The following ELOVL7 variants were observed in gnomAD, a reference collection of about 807,000 sequenced individuals.
The protein encoded by ELOVL7 is ELOVL fatty acid elongase 7, also known as very long chain fatty acid elongase 7.
In ELOVL7, 27 loss-of-function variants were observed where a neutral mutation model predicts 35.7. That is an observed-to-expected ratio of 0.76 (90% CI 0.56 to 1.04). The LOEUF is 1.04. Among genes scored for constraint, ELOVL7 ranks in the 50% least tolerant of loss-of-function variants. The pLI, the probability that ELOVL7 is intolerant of heterozygous loss-of-function variation, is 0.00. For missense variants in ELOVL7, 327 were observed against 340.8 expected, an observed-to-expected ratio of 0.96 and a Z score of 0.32; for synonymous variants, 113 against 114.6, an observed-to-expected ratio of 0.99 and a Z score of 0.09.
In ELOVL7 at chr5:60,757,581, AT is replaced by A. The variant is rs761039870; in HGVS notation, c.563del (p.Tyr188LeufsTer20). Reference protein sequence around the residue: ...TAVHVVMYSYYGLSALGPAYQ... With the variant: ...TAVHVVMYSYXGLSALGPAYQ... ...AGGCTGGCCCCAATGCAGAAAGTCC[AT>A]AGTAGGAATACATGACTACATGTAC... On this transcript the variant is annotated frameshift_variant, in exon 8 of 9. Coordinates refer to ENST00000508821, the MANE Select transcript of ELOVL7 (RefSeq NM_024930.3). LOFTEE classifies it high-confidence loss of function. 1.6e-4 allele frequency: 262 copies of A among 1,613,276 alleles called. No homozygotes were observed. The highest frequency in any genetic ancestry group is 2.1e-4 in the Non-Finnish European group (253 of 1,179,450).
intron 1 of ELOVL7, among the ~76,000 whole-genome samples, chr5:60,800,309 G>A (rs549259857): frequency 1.3e-5 from 2 of 152,216 alleles, no homozygotes; most frequent in African/African-American, 4.8e-5. Flanking sequence ...TTATCCCTAG[G>A]ATACAAGGAT....
At chr5:60,812,928 T>A (rs1745315556) in intron 1 of ELOVL7, among the ~76,000 whole-genome samples, 1 of 152,224 alleles carries the variant, frequency 6.6e-6, no homozygotes. Context: ...CTCCCTTCAA[T>A]CCTTGGTGCT....
At chr5:60,771,849 T>C (rs1171258574) in intron 4 of ELOVL7, 54 bp downstream of exon 4, 16 of 1,294,516 alleles carry the variant, frequency 1.2e-5, no homozygotes, top group Non-Finnish European at 1.7e-5. Flanking sequence ...TAATGACACA[T>C]AAACAGAAAA....
chr5:60,770,042 C>T (rs1361783813), intron 4 of ELOVL7, among the ~76,000 whole-genome samples: 1 of 141,386 alleles, frequency 7.1e-6, no homozygotes, highest in Non-Finnish European at 1.5e-5. Flanking sequence ...CAGAGCGAGA[C>T]CCTTTCTGGT....
intron 1 of ELOVL7, among the ~76,000 whole-genome samples, chr5:60,807,886 C>T (rs1745024146): frequency 6.9e-6 from 1 of 145,924 alleles, no homozygotes; most frequent in African/African-American, 2.5e-5. Flanking sequence ...GTAGTCCCAG[C>T]TACTTGGGAG....
chr5:60,787,810 G>C (rs1743690763), intron 2 of ELOVL7, among the ~76,000 whole-genome samples: 1 of 152,168 alleles, frequency 6.6e-6, no homozygotes, highest in Non-Finnish European at 1.5e-5. Flanking sequence ...AGAAAGTCAA[G>C]AGATACACAA....
chr5:60,821,274 ACTGTCCCTG>A (rs1473294713), intron 1 of ELOVL7, among the ~76,000 whole-genome samples: 1 of 152,106 alleles, frequency 6.6e-6, no homozygotes, highest in Non-Finnish European at 1.5e-5. Flanking sequence ...GCAGAGCAAA[ACTGTCCCTG>A]CTGGACTTCT....
chr5:60,792,625 G>A (rs1024516997), intron 2 of ELOVL7, among the ~76,000 whole-genome samples: 4 of 152,164 alleles, frequency 2.6e-5, no homozygotes, highest in East Asian at 1.9e-4. Context: ...CCAGCTACAC[G>A]AGAGGCTGAG....
intron 7 of ELOVL7, among the ~76,000 whole-genome samples, chr5:60,757,963 A>G (rs1741647622): frequency 6.6e-6 from 1 of 152,136 alleles, no homozygotes; most frequent in Non-Finnish European, 1.5e-5. Flanking sequence ...AATAGTAATA[A>G]TGTTCATATT....
chr5:60,842,144 G>A (rs1156606468), intron 1 of ELOVL7, among the ~76,000 whole-genome samples: 1 of 152,206 alleles, frequency 6.6e-6, no homozygotes, highest in Non-Finnish European at 1.5e-5. Context: ...AAATAGCAGA[G>A]AAGGGCATAT....
chr5:60,764,178 A>G (rs910798169), intron 7 of ELOVL7, 49 bp downstream of exon 7: 32 of 1,213,330 alleles, frequency 2.6e-5, no homozygotes, highest in Middle Eastern at 1.9e-4. Context: ...TGTTTTTAGC[A>G]TATAGAAATG....
intron 4 of ELOVL7, chr5:60,768,792 T>C (rs1742401581): frequency 7.4e-6 from 3 of 407,584 alleles, no homozygotes; most frequent in Middle Eastern, 3.4e-4. Flanking sequence ...TTCTCATACA[T>C]GCCAAATACC....
intron 1 of ELOVL7, among the ~76,000 whole-genome samples, chr5:60,824,557 T>G (rs1008229010): frequency 1.3e-5 from 2 of 152,220 alleles, no homozygotes; most frequent in African/African-American, 4.8e-5. Flanking sequence ...AATGGATAGA[T>G]AGGGGAATCC....
At chr5:60,835,044 G>A (rs1323206594) in intron 1 of ELOVL7, among the ~76,000 whole-genome samples, 2 of 151,584 alleles carry the variant, frequency 1.3e-5, no homozygotes, top group Admixed American at 1.3e-4. Flanking sequence ...ACAAAAATTA[G>A]CCGGGCGTGG....
chr5:60,839,231 C>T (rs1272939608), intron 1 of ELOVL7, among the ~76,000 whole-genome samples: 2 of 151,714 alleles, frequency 1.3e-5, no homozygotes, highest in Non-Finnish European at 2.9e-5. Flanking sequence ...GCCTGTAGTC[C>T]CAGCTACTCA....
At chr5:60,782,125 T>C (rs564824159) in intron 3 of ELOVL7, among the ~76,000 whole-genome samples, 4 of 152,152 alleles carry the variant, frequency 2.6e-5, no homozygotes, top group Admixed American at 6.6e-5. Flanking sequence ...AGATAACAAA[T>C]GGCCAACGGA....
chr5:60,778,351 C>T (rs866381475), intron 3 of ELOVL7, among the ~76,000 whole-genome samples: 2 of 152,292 alleles, frequency 1.3e-5, no homozygotes, highest in South Asian at 4.2e-4. Context: ...ACATGAACAT[C>T]ATTGTATTAG....
intron 2 of ELOVL7, among the ~76,000 whole-genome samples, chr5:60,796,076 C>T (rs1461978592): frequency 6.6e-6 from 1 of 152,204 alleles, no homozygotes; most frequent in African/African-American, 2.4e-5. Context: ...CTCCTACCAT[C>T]TTTGGCAGGA....
chr5:60,784,675 C>T (rs1743462406), intron 3 of ELOVL7, among the ~76,000 whole-genome samples: 1 of 152,100 alleles, frequency 6.6e-6, no homozygotes, highest in African/African-American at 2.4e-5. Context: ...CAGACATTTC[C>T]AGGGTAAGCA....
Sources: gnomAD v4.1 joint callset for allele counts (sites outside exome capture counted in the v4.1 genomes callset) on GRCh38, gnomAD v4.1.1 for gene constraint, MANE v1.5 for transcripts, NCBI Gene and HGNC (gene_info 2026-07-23, HGNC 2026-07-21) for gene names.